Variants in GAB2 observed in about 807,000 individuals in gnomAD.
GAB2 encodes the protein GRB2-associated-binding protein 2.
GAB2 carries 26 observed loss-of-function variants against 65.5 expected under a neutral mutation model. The ratio of observed to expected loss-of-function variants is 0.40; its 90% CI spans 0.29 to 0.55. GAB2 has a LOEUF of 0.55. Among genes scored for constraint, GAB2 ranks in the 20% least tolerant of loss-of-function variants. The probability of loss-of-function intolerance (pLI) is 0.53; values close to 1 mark genes in which losing one functional copy is unlikely to be tolerated. For synonymous variants in GAB2, 321 were observed against 329.6 expected (o/e 0.97, Z 0.28); for missense variants, 884 against 875.8 (o/e 1.01, Z -0.12).
chr11:78,403,721 G>T (rs1857004049), intron 1 of GAB2, among the ~76,000 whole-genome samples: 2 of 152,126 alleles, frequency 1.3e-5, no homozygotes. Flanking sequence ...AGCAACCAAA[G>T]CAAAAACGGA....
intron 1 of GAB2, among the ~76,000 whole-genome samples, chr11:78,386,077 T>C (rs1414870703): frequency 1.3e-5 from 2 of 152,236 alleles, no homozygotes; most frequent in Admixed American, 1.3e-4. Flanking sequence ...TCATTCTTTA[T>C]TCTTTGTCAG....
intron 1 of GAB2, among the ~76,000 whole-genome samples, chr11:78,307,454 G>GA (rs971822787): frequency 2.0e-5 from 3 of 150,980 alleles, no homozygotes; most frequent in Admixed American, 6.6e-5. Flanking sequence ...ATAAATCACA[G>GA]AAAAAAAAAT....
rs757918471 is a variant in GAB2, at chr11:78,341,688, G to A, written c.76-60787C>T. On this transcript the variant is annotated intron_variant, in intron 1 of 9. Transcript: ENST00000361507. The stretch of plus-strand genomic sequence containing the variant: ...ACTCTTGGGGTCTTGTTTAAATGGT[G>A]ACTCCTAAAGAACAAATATTCAGAA... 4 of 827,916 alleles carry A rather than the reference G, an allele frequency of 4.8e-6. No individual in the cohort carries two copies. In the Admixed American group the frequency reaches 1.9e-4, roughly 39 times the overall value. 51.3% of individuals were successfully genotyped at this position (827,916 alleles called of 1,614,324 possible).
intron 1 of GAB2, among the ~76,000 whole-genome samples, chr11:78,320,715 T>A (rs1855706160): frequency 7.0e-6 from 1 of 142,912 alleles, no homozygotes; most frequent in South Asian, 2.2e-4. Context: ...CACACCTGGA[T>A]AATTTTTGCC....
intron 3 of GAB2, 56 bp from the exon 4 acceptor site, chr11:78,227,107 C>A: frequency 8.4e-7 from 1 of 1,188,012 alleles, no homozygotes; most frequent in Non-Finnish European, 1.2e-6. Flanking sequence ...AGCTGTGTGA[C>A]CTTGAGGCAA....
intron 1 of GAB2, chr11:78,387,944 T>C (rs1016046688): frequency 6.6e-6 from 1 of 152,112 alleles, no homozygotes; most frequent in African/African-American, 2.4e-5. Context: ...ATGGAGAAAA[T>C]AAAAGTGAAG....
chr11:78,246,799 G>A (rs1466587841), intron 3 of GAB2, among the ~76,000 whole-genome samples: 3 of 152,026 alleles, frequency 2.0e-5, no homozygotes, highest in Admixed American at 6.6e-5. Context: ...GCACCCGGCC[G>A]AGAAGTGATA....
chr11:78,312,363 T>C (rs941596313), intron 1 of GAB2, among the ~76,000 whole-genome samples: 1 of 152,140 alleles, frequency 6.6e-6, no homozygotes, highest in African/African-American at 2.4e-5. Flanking sequence ...CTAAGCACTT[T>C]ACATATAAGA....
chr11:78,239,721 A>G (rs1865075650), intron 3 of GAB2, among the ~76,000 whole-genome samples: 1 of 152,206 alleles, frequency 6.6e-6, no homozygotes, highest in Admixed American at 6.5e-5. Flanking sequence ...CAAGAGGATC[A>G]TGGCAACTGC....
In GAB2 at chr11:78,280,704, A is replaced by G; in HGVS notation, c.273T>C (p.Ser91=). ...QDSFVFDIKT[S]ERTFYLVAET... is the part of the protein sequence containing the mutation. The stretch of plus-strand genomic sequence containing the variant: ...CAGCCACCAGGTAAAAGGTGCGTTC[A>G]CTGGTCTTGATGTCAAACACAAAAC... The change falls in exon 2 of 10, where the codon AGT becomes AGC. Residue 91 remains serine, a synonymous_variant. Coordinates refer to ENST00000361507, the MANE Select transcript of GAB2 (RefSeq NM_080491.3). 1 of 1,613,960 alleles carries G rather than the reference A, an allele frequency of 6.2e-7. No individual in the cohort carries two copies. Among genetic ancestry groups the G allele is most frequent in the Non-Finnish European group, 8.5e-7 (1 of 1,179,836 alleles).
intron 2 of GAB2, among the ~76,000 whole-genome samples, chr11:78,260,910 G>A (rs1400086034): frequency 2.6e-4 from 40 of 152,112 alleles, no homozygotes; most frequent in Admixed American, 2.6e-3. Flanking sequence ...ATCGTGTTTA[G>A]CACAATGTTC....
rs139799607 is a variant in GAB2, at chr11:78,250,653, C to T, written c.377-253G>A. Among the ~76,000 whole-genome samples the T allele has an allele frequency of 3.3e-3, 498 of 152,172 alleles. 2 individuals are homozygous for T. The highest frequency in any genetic ancestry group is 0.011 in the African/African-American group (474 of 41,508). On this transcript the variant is annotated intron_variant, in intron 2 of 9. Transcript: ENST00000361507. ...TATCACAATGTAGGCCATATCTGCC[C>T]CACTTCCAGGAAGTACGGCTACCTG...
chr11:78,364,646 C>T (rs963862444), intron 1 of GAB2, among the ~76,000 whole-genome samples: 1 of 152,164 alleles, frequency 6.6e-6, no homozygotes, highest in African/African-American at 2.4e-5. Context: ...GCCATCCCCC[C>T]AAATTCCTCT....
At chr11:78,266,723 G>A (rs1425586470) in intron 2 of GAB2, among the ~76,000 whole-genome samples, 1 of 152,180 alleles carries the variant, frequency 6.6e-6, no homozygotes, top group South Asian at 2.1e-4. Flanking sequence ...AGGAGGCAGA[G>A]AGAATCACTA....
chr11:78,354,163 A>C (rs1856322266), intron 1 of GAB2, among the ~76,000 whole-genome samples: 1 of 152,170 alleles, frequency 6.6e-6, no homozygotes, highest in Non-Finnish European at 1.5e-5. Flanking sequence ...CTACCCTCTA[A>C]TAAAGGAACA....
chr11:78,311,152 C>T (rs952410490), intron 1 of GAB2, among the ~76,000 whole-genome samples: 7 of 152,270 alleles, frequency 4.6e-5, no homozygotes, highest in Admixed American at 2.6e-4. Context: ...TATACATCTG[C>T]CTATATAATG....
At chr11:78,398,041 C>CACACACACACACACACACATACACACAT (rs57095813) in intron 1 of GAB2, among the ~76,000 whole-genome samples, 2 of 151,404 alleles carry the variant, frequency 1.3e-5, no homozygotes, top group African/African-American at 4.9e-5. Flanking sequence ...CACACACACA[C>CACACACACACACACACACATACACACAT]ATCCCTGGCC....
At chr11:78,314,357 C>T (rs1428878362) in intron 1 of GAB2, among the ~76,000 whole-genome samples, 2 of 152,244 alleles carry the variant, frequency 1.3e-5, no homozygotes, top group Non-Finnish European at 1.5e-5. Context: ...TCTTCACTCA[C>T]ATGGTGTAAT....
rs112887447 is a variant in GAB2, at chr11:78,398,522, T to A, written c.75+19124A>T. ...AAATGTGATGAAATCTTGATAAGATTTGAAATTGTGTGCATCAGTATTCTT... is the reference window on the plus strand; with the variant it reads ...AAATGTGATGAAATCTTGATAAGATATGAAATTGTGTGCATCAGTATTCTT... On this transcript the variant is annotated intron_variant, in intron 1 of 9. Transcript: ENST00000361507. 1.8e-4 allele frequency among the ~76,000 whole-genome samples: 27 copies of A among 152,298 alleles called. 1 individual carries two copies. The Middle Eastern group carries it at 0.014, about 77-fold the overall frequency.
Sources: gnomAD v4.1 joint callset for allele counts (sites outside exome capture counted in the v4.1 genomes callset) on GRCh38, gnomAD v4.1.1 for gene constraint, MANE v1.5 for transcripts, NCBI Gene and HGNC (gene_info 2026-07-23, HGNC 2026-07-21) for gene names.